The following SMYD3 variants were observed in gnomAD, a reference collection of about 807,000 sequenced individuals.
SMYD3 encodes the protein histone-lysine N-methyltransferase SMYD3.
SMYD3 carries 36 observed loss-of-function variants against 57.7 expected under a neutral mutation model. The observed-to-expected ratio is 0.62, with a 90% confidence interval of 0.48 to 0.82. The LOEUF is 0.82. Among genes scored for constraint, SMYD3 ranks in the 40% least tolerant of loss-of-function variants. The probability of loss-of-function intolerance (pLI) is 0.00; values close to 1 mark genes in which losing one functional copy is unlikely to be tolerated. For synonymous variants in SMYD3, 211 were observed against 195.0 expected (o/e 1.08, Z -0.68); for missense variants, 515 against 538.8 (o/e 0.96, Z 0.44).
At chr1:246,310,281 C>T (rs1297721411) in intron 5 of SMYD3, among the ~76,000 whole-genome samples, 1 of 152,140 alleles carries the variant, frequency 6.6e-6, no homozygotes, top group Non-Finnish European at 1.5e-5. Context: ...GAGAATGACA[C>T]GAATAGACTG....
In SMYD3 at chr1:246,507,167, C is replaced by T. The variant is rs2103083405; in HGVS notation, c.51G>A (p.Gly17=). The T allele has an allele frequency of 1.3e-6, 2 of 1,532,034 alleles. No individual in the cohort carries two copies. Among genetic ancestry groups the T allele is most frequent in the African/African-American group, 1.4e-5 (1 of 70,370 alleles). 94.9% of individuals were successfully genotyped at this position (1,532,034 alleles called of 1,614,324 possible). A position where few individuals can be genotyped will look rare whatever the true frequency, so the allele number is the denominator to read the frequency against. ...GGCGCAGCGGGGTCACGGCGCGCAG[C>T]CCGTTTCCCCTCTTGGCGGTTGCGA... ...EKFATAKRGN[G]LRAVTPLRPG... The change falls in exon 1 of 12, where the codon GGG becomes GGA. Residue 17 remains glycine (G), a synonymous_variant. Coordinates refer to ENST00000490107, the MANE Select transcript of SMYD3 (RefSeq NM_001167740.2).
intron 5 of SMYD3, among the ~76,000 whole-genome samples, chr1:245,946,675 A>T (rs1016844026): frequency 6.6e-5 from 10 of 152,170 alleles, no homozygotes; most frequent in Non-Finnish European, 1.3e-4. Flanking sequence ...GGGTTAAGCT[A>T]AAGGTCGGGT....
At chr1:246,391,380 G>A (rs1281448216) in intron 1 of SMYD3, among the ~76,000 whole-genome samples, 1 of 137,178 alleles carries the variant, frequency 7.3e-6, no homozygotes, top group South Asian at 2.5e-4. Context: ...ACCTTATTGA[G>A]AGAGAGAGAG....
intron 11 of SMYD3, among the ~76,000 whole-genome samples, chr1:245,761,483 T>C (rs2045840730): frequency 6.6e-6 from 1 of 152,174 alleles, no homozygotes; most frequent in Non-Finnish European, 1.5e-5. Context: ...TGTTCAGGCT[T>C]GTCCTTATAG....
At chr1:246,330,635 A>G in intron 3 of SMYD3, 98 bp from the exon 4 acceptor site, 1 of 959,520 alleles carries the variant, frequency 1.0e-6, no homozygotes, top group Non-Finnish European at 1.5e-6. Flanking sequence ...ATGAAAGTCC[A>G]TCAAAAAGAA....
In SMYD3 at chr1:246,023,807, C is replaced by CTGTGTGTGTGTGTGTGTGTGTGTG. The variant is rs201726897; in HGVS notation, c.532-93894_532-93871dup. Among the ~76,000 whole-genome samples the CTGTGTGTGTGTGTGTGTGTGTGTG allele has an allele frequency of 3.8e-3, 532 of 139,586 alleles. 9 individuals are homozygous for CTGTGTGTGTGTGTGTGTGTGTGTG. Among genetic ancestry groups the CTGTGTGTGTGTGTGTGTGTGTGTG allele is most frequent in the African/African-American group, 5.8e-3 (210 of 36,294 alleles). 91.6% of individuals were successfully genotyped at this position (139,586 alleles called of 152,430 possible). A position where few individuals can be genotyped will look rare whatever the true frequency, so the allele number is the denominator to read the frequency against. On this transcript the variant is annotated intron_variant, in intron 5 of 11. Transcript: ENST00000490107. ...CCCACTTCACAGGACTATTACAAAA[C>CTGTGTGTGTGTGTGTGTGTGTGTG]TGTGTGTGTGTGTGTGTGTGTGTGT...
intron 1 of SMYD3, among the ~76,000 whole-genome samples, chr1:246,438,528 C>T (rs1203205127): frequency 6.6e-6 from 1 of 152,116 alleles, no homozygotes; most frequent in Non-Finnish European, 1.5e-5. Flanking sequence ...GGACACCAAC[C>T]CCCTCCCTGG....
At chr1:245,808,229 G>C (rs576566704) in intron 10 of SMYD3, among the ~76,000 whole-genome samples, 19 of 152,200 alleles carry the variant, frequency 1.2e-4, no homozygotes, top group Admixed American at 8.5e-4. Flanking sequence ...TTTAAAATCA[G>C]ATCTAAAGAT....
chr1:246,481,784 T>C (rs10754518), intron 1 of SMYD3, among the ~76,000 whole-genome samples: 1 of 147,638 alleles, frequency 6.8e-6, no homozygotes, highest in East Asian at 2.0e-4. Flanking sequence ...TATATATATA[T>C]AGAGAGAGAG....
chr1:245,956,352 A>G (rs2057840377), intron 5 of SMYD3, among the ~76,000 whole-genome samples: 1 of 152,226 alleles, frequency 6.6e-6, no homozygotes, highest in South Asian at 2.1e-4. Context: ...TCATCCATAG[A>G]GGCCAGCACA....
Position 246,196,046 on chromosome 1 carries a change from A to C in SMYD3, c.531+131155T>G, listed in dbSNP as rs555453536. Among the ~76,000 whole-genome samples, 415 of 152,298 alleles carry C rather than the reference A, an allele frequency of 2.7e-3. 1 individual carries two copies. Among genetic ancestry groups the C allele is most frequent in the African/African-American group, 8.7e-3 (360 of 41,560 alleles). ...ACTGTCACTTCTTTATTTAAAAAAAAACCTCCCTTTGCAGAAATATCACTG... is the reference window on the plus strand; with the variant it reads ...ACTGTCACTTCTTTATTTAAAAAAACACCTCCCTTTGCAGAAATATCACTG... On this transcript the variant is annotated intron_variant, in intron 5 of 11. Coordinates refer to ENST00000490107, the MANE Select transcript of SMYD3 (RefSeq NM_001167740.2).
intron 5 of SMYD3, among the ~76,000 whole-genome samples, chr1:246,185,303 T>A (rs1327533287): frequency 6.6e-6 from 1 of 152,038 alleles, no homozygotes. Context: ...AGTGGCGCGA[T>A]CTCGGCTACT....
chr1:246,506,816 C>T (rs1168686184), intron 1 of SMYD3, among the ~76,000 whole-genome samples: 2 of 131,116 alleles, frequency 1.5e-5, no homozygotes, highest in Non-Finnish European at 1.6e-5. Context: ...GGTTGGGGGG[C>T]AGTGGCTGAG....
intron 1 of SMYD3, among the ~76,000 whole-genome samples, chr1:246,473,033 T>C (rs1348525110): frequency 6.6e-6 from 1 of 152,004 alleles, no homozygotes; most frequent in East Asian, 1.9e-4. Context: ...ATTTTTGTAT[T>C]TTTAGTAGAG....
At chr1:246,461,288 T>C (rs1317169434) in intron 1 of SMYD3, among the ~76,000 whole-genome samples, 4 of 151,456 alleles carry the variant, frequency 2.6e-5, no homozygotes, top group Non-Finnish European at 4.4e-5. Flanking sequence ...GGAAAAAAAG[T>C]GGAAATTAGT....
intron 1 of SMYD3, among the ~76,000 whole-genome samples, chr1:246,406,887 C>A (rs2066874492): frequency 2.6e-5 from 4 of 152,170 alleles, no homozygotes; most frequent in Admixed American, 2.6e-4. Context: ...AAGCTATCGA[C>A]CTGGTAATAT....
At chr1:246,441,362 T>C (rs2067460047) in intron 1 of SMYD3, among the ~76,000 whole-genome samples, 1 of 152,196 alleles carries the variant, frequency 6.6e-6, no homozygotes, top group Non-Finnish European at 1.5e-5. Flanking sequence ...TGACTCCAAG[T>C]TATCTTATTT....
chr1:245,814,667 A>G (rs1249437013), intron 10 of SMYD3, among the ~76,000 whole-genome samples: 1 of 152,138 alleles, frequency 6.6e-6, no homozygotes, highest in African/African-American at 2.4e-5. Context: ...AGGTCACTTA[A>G]GCTTGTGCCG....
At chr1:246,190,848 T>C (rs1293359613) in intron 5 of SMYD3, among the ~76,000 whole-genome samples, 1 of 151,862 alleles carries the variant, frequency 6.6e-6, no homozygotes, top group Non-Finnish European at 1.5e-5. Flanking sequence ...GGCCCCAACA[T>C]CAAAGTAGAA....
Sources: allele counts gnomAD v4.1 joint callset (sites outside exome capture counted in the v4.1 genomes callset), GRCh38; gene constraint gnomAD v4.1.1; transcripts MANE v1.5; gene names NCBI Gene and HGNC (gene_info 2026-07-23, HGNC 2026-07-21).